The following PLCB4 variants were observed in gnomAD, a reference collection of about 807,000 sequenced individuals.
PLCB4 encodes the protein phospholipase C beta 4.
A neutral mutation model predicts 178.8 loss-of-function variants in PLCB4; 77 were observed. That is an observed-to-expected ratio of 0.43 (90% CI 0.36 to 0.52). The LOEUF (loss-of-function observed/expected upper bound fraction) is 0.52. Ranked by LOEUF, PLCB4 falls within the 20% of genes least tolerant of loss-of-function variation. PLCB4 has a pLI of 0.00. For missense variants in PLCB4, 1,024 were observed against 1,453.4 expected (o/e 0.70, Z 4.80); for synonymous variants, 496 against 490.8 (o/e 1.01, Z -0.14).
intron 13 of PLCB4, among the ~76,000 whole-genome samples, chr20:9,383,311 TA>T (rs1210819555): frequency 6.6e-6 from 1 of 152,208 alleles, no homozygotes; most frequent in Non-Finnish European, 1.5e-5. Flanking sequence ...GTAAGTCAAA[TA>T]ATCAAAAATG....
At position 9,480,004 on chromosome 20, in the gene PLCB4, C is replaced by G. The variant is rs1196129736; in HGVS notation, c.*995C>G. The G allele has an allele frequency of 1.3e-5, 2 of 152,142 alleles. No homozygotes were observed. 9.4% of individuals were successfully genotyped at this position (152,142 alleles called of 1,614,324 possible). ...AAGACTTTTAGCATAATGAAAAACC[C>G]TCTCTCTATATATATATGTGTATAT... On this transcript the variant is annotated 3_prime_UTR_variant, in exon 40 of 40. Coordinates refer to ENST00000378473, the MANE Select transcript of PLCB4 (RefSeq NM_001377142.1).
At chr20:9,421,711 C>G (rs1255521558) in intron 27 of PLCB4, among the ~76,000 whole-genome samples, 2 of 152,210 alleles carry the variant, frequency 1.3e-5, no homozygotes, top group Non-Finnish European at 2.9e-5. Context: ...GGTTTACCAT[C>G]TTTTAGAATG....
intron 3 of PLCB4, among the ~76,000 whole-genome samples, chr20:9,234,968 G>A (rs1367445354): frequency 8.5e-5 from 13 of 152,294 alleles, no homozygotes; most frequent in South Asian, 2.1e-4. Flanking sequence ...CATTACTGCA[G>A]TTGCTTAGTA....
At chr20:9,268,297 T>C (rs562288688) in intron 3 of PLCB4, among the ~76,000 whole-genome samples, 1 of 152,326 alleles carries the variant, frequency 6.6e-6, no homozygotes, top group African/African-American at 2.4e-5. Context: ...AGTCTGATCA[T>C]ACTTGGTTTC....
chr20:9,177,209 G>A (rs1217653368), intron 2 of PLCB4, among the ~76,000 whole-genome samples: 2 of 152,126 alleles, frequency 1.3e-5, no homozygotes, highest in Non-Finnish European at 2.9e-5. Context: ...AAAGCAGCAT[G>A]TTAGTAGGGG....
At chr20:9,337,557 A>G (rs372778547) in intron 5 of PLCB4, among the ~76,000 whole-genome samples, 1 of 152,186 alleles carries the variant, frequency 6.6e-6, no homozygotes, top group African/African-American at 2.4e-5. Context: ...AGGTACATTA[A>G]AAGTGTGTTC....
chr20:9,268,209 C>A (rs2094368064), intron 3 of PLCB4, among the ~76,000 whole-genome samples: 1 of 152,128 alleles, frequency 6.6e-6, no homozygotes, highest in Admixed American at 6.6e-5. Flanking sequence ...CTAGTATGTT[C>A]ACCACAGGAG....
intron 3 of PLCB4, among the ~76,000 whole-genome samples, chr20:9,275,834 G>A (rs1175439453): frequency 6.6e-6 from 1 of 152,074 alleles, no homozygotes; most frequent in Non-Finnish European, 1.5e-5. Flanking sequence ...GATGTGCAAT[G>A]ATACAATCCT....
intron 2 of PLCB4, among the ~76,000 whole-genome samples, chr20:9,195,335 T>G (rs922018715): frequency 4.6e-5 from 7 of 152,314 alleles, no homozygotes; most frequent in African/African-American, 1.7e-4. Flanking sequence ...GAGCAAGGTT[T>G]CTGTGTTGGT....
intron 3 of PLCB4, among the ~76,000 whole-genome samples, chr20:9,253,404 G>C (rs1004442544): frequency 6.6e-6 from 1 of 152,064 alleles, no homozygotes; most frequent in Non-Finnish European, 1.5e-5. Flanking sequence ...ACAAGGTAGG[G>C]CTCCTGCTCT....
At chr20:9,319,652 G>T (rs1323024459) in intron 4 of PLCB4, among the ~76,000 whole-genome samples, 1 of 151,794 alleles carries the variant, frequency 6.6e-6, no homozygotes, top group Non-Finnish European at 1.5e-5. Context: ...TATCCAAGTT[G>T]AATGTCCCAG....
At chr20:9,094,063 T>C (rs2090799393) in intron 1 of PLCB4, among the ~76,000 whole-genome samples, 1 of 152,152 alleles carries the variant, frequency 6.6e-6, no homozygotes, top group Non-Finnish European at 1.5e-5. Context: ...TTGTTTCCTC[T>C]TGGATGTTGG....
intron 2 of PLCB4, among the ~76,000 whole-genome samples, chr20:9,167,159 T>C (rs566681668): frequency 1.3e-5 from 2 of 152,278 alleles, no homozygotes; most frequent in East Asian, 3.9e-4. Context: ...TCACACTCCA[T>C]ATTTTAAAAA....
intron 30 of PLCB4, among the ~76,000 whole-genome samples, chr20:9,440,013 G>T (rs1214356269): frequency 6.6e-6 from 1 of 152,216 alleles, no homozygotes; most frequent in African/African-American, 2.4e-5. Flanking sequence ...AATGTTTGGG[G>T]TTCAGCTAAA....
chr20:9,437,570 G>T (rs1400225819), intron 30 of PLCB4, among the ~76,000 whole-genome samples: 1 of 152,186 alleles, frequency 6.6e-6, no homozygotes, highest in Non-Finnish European at 1.5e-5. Context: ...AAACAACTGT[G>T]CTGGTTATTT....
chr20:9,186,040 T>A (rs1272520146), intron 2 of PLCB4, among the ~76,000 whole-genome samples: 1 of 152,210 alleles, frequency 6.6e-6, no homozygotes, highest in Admixed American at 6.5e-5. Context: ...GGTGGCAGTT[T>A]TGTTTTATTT....
intron 3 of PLCB4, among the ~76,000 whole-genome samples, chr20:9,237,113 T>C (rs1036711174): frequency 6.6e-6 from 1 of 152,200 alleles, no homozygotes; most frequent in Non-Finnish European, 1.5e-5. Context: ...TATACTTTAT[T>C]TTTCCTCACT....
At chr20:9,093,074 C>T (rs2090754384) in intron 1 of PLCB4, among the ~76,000 whole-genome samples, 1 of 152,162 alleles carries the variant, frequency 6.6e-6, no homozygotes, top group African/African-American at 2.4e-5. Flanking sequence ...TTAGATGCTA[C>T]TTCATTCATT....
intron 3 of PLCB4, among the ~76,000 whole-genome samples, chr20:9,302,616 G>A (rs572640047): frequency 6.6e-6 from 1 of 152,208 alleles, no homozygotes; most frequent in East Asian, 1.9e-4. Flanking sequence ...AATAAGCAAT[G>A]AAATGAACTT....
Sources: allele counts gnomAD v4.1 joint callset (sites outside exome capture counted in the v4.1 genomes callset), GRCh38; gene constraint gnomAD v4.1.1; transcripts MANE v1.5; gene names NCBI Gene and HGNC (gene_info 2026-07-23, HGNC 2026-07-21).